Variants in RHBDL3 observed in about 807,000 individuals in gnomAD.
RHBDL3 encodes rhomboid like 3.
RHBDL3 carries 28 observed loss-of-function variants against 48.2 expected under a neutral mutation model. The ratio of observed to expected loss-of-function variants is 0.58; its 90% CI spans 0.43 to 0.80. The LOEUF (loss-of-function observed/expected upper bound fraction) is 0.80, where lower values mean the gene tolerates loss of function less well. RHBDL3 is among the 30% of genes least tolerant of loss of function. RHBDL3 has a pLI of 0.00. For missense variants in RHBDL3, 464 were observed against 542.7 expected (o/e 0.85, Z 1.44); for synonymous variants, 208 against 232.3 (o/e 0.90, Z 0.95).
intron 2 of RHBDL3, among the ~76,000 whole-genome samples, chr17:32,277,492 C>T (rs1004243810): frequency 1.3e-5 from 2 of 152,188 alleles, no homozygotes; most frequent in African/African-American, 4.8e-5. Context: ...CCAGCTCCAG[C>T]GGGGTTTGCT....
chr17:32,294,539 A>G, intron 5 of RHBDL3, 97 bp downstream of exon 5: 2 of 1,234,120 alleles, frequency 1.6e-6, no homozygotes, highest in Middle Eastern at 2.5e-4. Context: ...GTTTATTTTT[A>G]TCTATTTGGA....
intron 6 of RHBDL3, 88 bp downstream of exon 6, chr17:32,298,292 C>A: frequency 2.6e-6 from 2 of 783,162 alleles, no homozygotes; most frequent in East Asian, 2.6e-5. Context: ...CCCAGGTTTC[C>A]AGGACACACA....
Position 32,321,439 on chromosome 17 carries a change from G to A in RHBDL3, c.*210G>A, listed in dbSNP as rs909234000. 191 of 1,418,418 alleles carry A rather than the reference G, an allele frequency of 1.3e-4. No homozygotes were observed. In the East Asian group the frequency reaches 2.7e-3, roughly 20 times the overall value. The allele number at this position is 1,418,418 out of a possible 1,614,324, so 87.9% of individuals were successfully genotyped here. A position where few individuals can be genotyped will look rare whatever the true frequency, so the allele number is the denominator to read the frequency against. ...CGGAGGAGTTGATGTGGCTGCTGTC[G>A]TTTTTCTCGGCTGCTCTGATGACAT... On this transcript the variant is annotated 3_prime_UTR_variant, in exon 9 of 9. Transcript: ENST00000269051.
intron 2 of RHBDL3, among the ~76,000 whole-genome samples, chr17:32,270,515 C>T (rs527255211): frequency 3.6e-4 from 54 of 152,012 alleles, no homozygotes; most frequent in Admixed American, 1.1e-3. Flanking sequence ...ATATGGTCAC[C>T]GTCGAACTAA....
chr17:32,280,430 T>A (rs540270183), intron 2 of RHBDL3: 2 of 152,242 alleles, frequency 1.3e-5, no homozygotes, highest in East Asian at 3.9e-4. Flanking sequence ...TCCCGAAAGC[T>A]CCAAACCACA....
At position 32,316,346 on chromosome 17, in the gene RHBDL3, T is replaced by C. The variant is rs116667568; in HGVS notation, c.943+54T>C. The C allele has an allele frequency of 6.8e-4, 904 of 1,339,226 alleles. 3 individuals carry two copies. The African/African-American group carries it at 0.012, about 17-fold the overall frequency. 83.0% of individuals were successfully genotyped at this position (1,339,226 alleles called of 1,614,324 possible). The stretch of plus-strand genomic sequence containing the variant: ...AAAGCCTGGCACCAGGGCCTGAGGT[T>C]CAAAGATGGCACAGTTCCTGCCCTT... On this transcript the variant is annotated intron_variant, in intron 8 of 8. Coordinates refer to ENST00000269051, the MANE Select transcript of RHBDL3 (RefSeq NM_138328.3).
chr17:32,315,304 G>C (rs1054698022), intron 7 of RHBDL3, among the ~76,000 whole-genome samples: 1 of 152,212 alleles, frequency 6.6e-6, no homozygotes, highest in Non-Finnish European at 1.5e-5. Flanking sequence ...GGAAGATTCC[G>C]GGCTTATTTC....
chr17:32,266,368 GC>G, intron 1 of RHBDL3, 68 bp downstream of exon 1: 1 of 816,540 alleles, frequency 1.2e-6, no homozygotes, highest in Non-Finnish European at 1.8e-6. Context: ...CCCCTGTCTC[GC>G]CCCACGCCGG....
intron 3 of RHBDL3, among the ~76,000 whole-genome samples, chr17:32,287,944 T>A (rs2150713837): frequency 6.6e-6 from 1 of 152,338 alleles, no homozygotes; most frequent in South Asian, 2.1e-4. Context: ...TGGGTGAGGC[T>A]GCCAGAGCTC....
rs376596900 is a variant in RHBDL3, at chr17:32,293,173, A to G, written c.520-1121A>G. On this transcript the variant is annotated intron_variant, in intron 4 of 8. Coordinates refer to ENST00000269051, the MANE Select transcript of RHBDL3 (RefSeq NM_138328.3). ...ATGGTGGTTGCCAGGGGCTGGAGGG[A>G]GGGGGTGGGGCGTCATTGTTCAGTG... is the stretch of plus-strand genomic sequence containing the variant. Among the ~76,000 whole-genome samples, 872 of 102,120 alleles carry G rather than the reference A, an allele frequency of 8.5e-3. 7 individuals are homozygous for G. The highest frequency in any genetic ancestry group is 0.021 in the African/African-American group (610 of 29,724). 67.0% of individuals were successfully genotyped at this position (102,120 alleles called of 152,430 possible).
rs780754201 is a variant in RHBDL3, at chr17:32,321,139, G to C, written c.1125G>C (p.Val375=). ...ACCAGTCACTGTGGTGGATTTTTGT[G>C]GCCATGTACACCGTCTTCGTGCTGT... ...LQDQSLWWIF[V]AMYTVFVLFA... is the part of the protein sequence containing the mutation. Residue 375 remains valine, a synonymous_variant, in exon 9 of 9, where the codon GTG becomes GTC. Transcript: ENST00000269051. The C allele has an allele frequency of 6.2e-7, 1 of 1,614,222 alleles. No homozygotes were observed. The highest frequency in any genetic ancestry group is 8.5e-7 in the Non-Finnish European group (1 of 1,180,036).
intron 2 of RHBDL3, among the ~76,000 whole-genome samples, chr17:32,271,919 G>A (rs553525626): frequency 9.2e-5 from 14 of 152,346 alleles, no homozygotes. Context: ...AACAGAAGGC[G>A]TGGATCCGCC....
At chr17:32,311,169 C>T (rs2040840250) in intron 7 of RHBDL3, among the ~76,000 whole-genome samples, 1 of 152,238 alleles carries the variant, frequency 6.6e-6, no homozygotes, top group Non-Finnish European at 1.5e-5. Context: ...AGTACTATCT[C>T]ACTCTTTGAG....
At chr17:32,294,717 G>A (rs1369329700) in intron 5 of RHBDL3, among the ~76,000 whole-genome samples, 2 of 152,134 alleles carry the variant, frequency 1.3e-5, no homozygotes, top group African/African-American at 2.4e-5. Flanking sequence ...CTTGCTAGAC[G>A]TGGCTTGAAA....
chr17:32,269,185 A>T (rs1029383749), intron 2 of RHBDL3, among the ~76,000 whole-genome samples: 1 of 152,134 alleles, frequency 6.6e-6, no homozygotes, highest in Non-Finnish European at 1.5e-5. Context: ...TCATCTCTAC[A>T]AAAAATTAAA....
chr17:32,283,570 G>A lies in RHBDL3; in HGVS notation c.136-1089G>A, dbSNP rs536490498. Among the ~76,000 whole-genome samples, 72 of 152,054 alleles carry A rather than the reference G, an allele frequency of 4.7e-4. 1 individual carries two copies. Among genetic ancestry groups the A allele is most frequent in the Admixed American group, 1.2e-3 (18 of 15,274 alleles). ...CATCTCCTGACCTTGTGATCCGCCC[G>A]CCTTGGCCTCCCAAAGTGCTGGGAT... On this transcript the variant is annotated intron_variant, in intron 2 of 8. Transcript: ENST00000269051.
chr17:32,287,247 G>T (rs2040218809), intron 3 of RHBDL3, among the ~76,000 whole-genome samples: 1 of 152,160 alleles, frequency 6.6e-6, no homozygotes. Context: ...TCCCACCACG[G>T]GTGCTGTGCA....
chr17:32,276,626 ATACTTCAGCCCTAGCACCG>A (rs944797115), intron 2 of RHBDL3, among the ~76,000 whole-genome samples: 2 of 151,918 alleles, frequency 1.3e-5, no homozygotes, highest in South Asian at 2.1e-4. Context: ...TGCCTGCACC[ATACTTCAGCCCTAGCACCG>A]TACTCCAGCC....
chr17:32,298,323 C>G, intron 6 of RHBDL3, 119 bp downstream of exon 6: 1 of 622,312 alleles, frequency 1.6e-6, no homozygotes, highest in Non-Finnish European at 2.8e-6. Flanking sequence ...ATCTCCAAGG[C>G]TCCTGACTTA....
Sources: gnomAD v4.1 joint callset for allele counts (sites outside exome capture counted in the v4.1 genomes callset) on GRCh38, gnomAD v4.1.1 for gene constraint, MANE v1.5 for transcripts, NCBI Gene and HGNC (gene_info 2026-07-23, HGNC 2026-07-21) for gene names.